The following CTNNA3 variants were observed in gnomAD, a reference collection of about 807,000 sequenced individuals.
The protein encoded by CTNNA3 is catenin alpha 3, also known as catenin alpha-3.
Under a neutral mutation model 95.7 loss-of-function variants are expected in CTNNA3, and 76 were observed. The observed-to-expected ratio is 0.79, with a 90% CI of 0.66 to 0.96. The LOEUF (loss-of-function observed/expected upper bound fraction) is 0.96, where lower values mean the gene tolerates loss of function less well. Among genes scored for constraint, CTNNA3 ranks in the 40% least tolerant of loss-of-function variants. CTNNA3 has a pLI of 0.00. For missense variants in CTNNA3, 1,191 were observed against 1,089.8 expected, an observed-to-expected ratio of 1.09 and a Z score of -1.31; for synonymous variants, 431 against 374.4, an observed-to-expected ratio of 1.15 and a Z score of -1.74.
chr10:67,726,137 A>G (rs1440110880), intron 1 of CTNNA3, among the ~76,000 whole-genome samples: 3 of 112,858 alleles, frequency 2.7e-5, no homozygotes, highest in African/African-American at 1.1e-4. Flanking sequence ...GATAATATAT[A>G]TTATATTATA....
intron 5 of CTNNA3, among the ~76,000 whole-genome samples, chr10:67,462,532 A>C (rs10997650): frequency 6.6e-6 from 1 of 152,332 alleles, no homozygotes; most frequent in East Asian, 1.9e-4. Context: ...GGAAAGAAAG[A>C]AGCAGAAAGT....
At chr10:67,552,516 G>T (rs1174419901) in intron 3 of CTNNA3, among the ~76,000 whole-genome samples, 1 of 151,932 alleles carries the variant, frequency 6.6e-6, no homozygotes, top group South Asian at 2.1e-4. Flanking sequence ...GCCTGCTAGA[G>T]TCTCGGGGGT....
chr10:67,584,306 G>A (rs987527429), intron 3 of CTNNA3, among the ~76,000 whole-genome samples: 3 of 152,196 alleles, frequency 2.0e-5, no homozygotes, highest in Non-Finnish European at 2.9e-5. Context: ...CTCAGGTGCA[G>A]GTCTGTTGGA....
chr10:67,392,175 C>T (rs867992817), intron 5 of CTNNA3, among the ~76,000 whole-genome samples: 1 of 152,156 alleles, frequency 6.6e-6, no homozygotes, highest in Non-Finnish European at 1.5e-5. Context: ...GGGCTAATAT[C>T]CAGAATCTAC....
At chr10:66,966,483 A>AT (rs1029710274) in intron 7 of CTNNA3, among the ~76,000 whole-genome samples, 1 of 76,940 alleles carries the variant, frequency 1.3e-5, no homozygotes, top group Non-Finnish European at 3.7e-5. Context: ...GCTATGTAAT[A>AT]TATTTTTTTT....
At chr10:66,982,730 G>A (rs1307619814) in intron 7 of CTNNA3, among the ~76,000 whole-genome samples, 1 of 152,116 alleles carries the variant, frequency 6.6e-6, no homozygotes, top group African/African-American at 2.4e-5. Flanking sequence ...AGACAAGGAA[G>A]AATAAAAGGT....
At position 66,090,385 on chromosome 10, in the gene CTNNA3, C is replaced by T. The variant is rs569678026; in HGVS notation, c.1977+12772G>A. Among the ~76,000 whole-genome samples, 8 of 151,784 alleles carry T rather than the reference C, an allele frequency of 5.3e-5. No homozygotes were observed. In the East Asian group the frequency reaches 1.2e-3, roughly 22 times the overall value. ...CCACTCAACAAATAATGATGACAAC[C>T]GTGATAGTGGTGGTGGTGGTAATGA... On this transcript the variant is annotated intron_variant, in intron 14 of 17. Transcript: ENST00000433211.
At chr10:67,346,518 G>GT (rs1161083711) in intron 5 of CTNNA3, among the ~76,000 whole-genome samples, 10 of 151,468 alleles carry the variant, frequency 6.6e-5, no homozygotes, top group African/African-American at 9.7e-5. Flanking sequence ...TAGAGTAAAA[G>GT]TTTTTTTTTC....
At chr10:66,084,447 G>C (rs1320351198) in intron 14 of CTNNA3, among the ~76,000 whole-genome samples, 1 of 152,016 alleles carries the variant, frequency 6.6e-6, no homozygotes, top group East Asian at 1.9e-4. Flanking sequence ...GGAACTTCAA[G>C]CAATTTGTAA....
At chr10:67,557,442 C>G (rs1248979736) in intron 3 of CTNNA3, among the ~76,000 whole-genome samples, 1 of 152,144 alleles carries the variant, frequency 6.6e-6, no homozygotes, top group Non-Finnish European at 1.5e-5. Context: ...AAGCAATCTT[C>G]TGATTATTAT....
At chr10:65,943,501 T>TGAC (rs2077461580) in intron 17 of CTNNA3, among the ~76,000 whole-genome samples, 1 of 152,180 alleles carries the variant, frequency 6.6e-6, no homozygotes. Context: ...AAATCCTCAA[T>TGAC]GACATTACAT....
intron 3 of CTNNA3, 66 bp from the exon 4 acceptor site, chr10:67,539,735 A>G: frequency 7.0e-7 from 1 of 1,433,300 alleles, no homozygotes; most frequent in Non-Finnish European, 9.7e-7. Context: ...AGGATTTATC[A>G]GCTAACCTAA....
intron 5 of CTNNA3, among the ~76,000 whole-genome samples, chr10:67,456,581 A>G (rs1022519842): frequency 6.6e-6 from 1 of 152,192 alleles, no homozygotes; most frequent in African/African-American, 2.4e-5. Context: ...AGACAGGGTC[A>G]AAACCACCCT....
intron 7 of CTNNA3, among the ~76,000 whole-genome samples, chr10:66,857,255 G>T (rs1843717868): frequency 6.6e-6 from 1 of 152,018 alleles, no homozygotes; most frequent in Non-Finnish European, 1.5e-5. Context: ...TGTTTCATTA[G>T]TCTATGTGAC....
chr10:66,534,269 C>T (rs1039535071), intron 10 of CTNNA3, among the ~76,000 whole-genome samples: 1 of 151,884 alleles, frequency 6.6e-6, no homozygotes, highest in African/African-American at 2.4e-5. Context: ...GCTGGAAAGG[C>T]CATTTAGAAA....
intron 6 of CTNNA3, among the ~76,000 whole-genome samples, chr10:67,216,518 T>C (rs1864368679): frequency 6.6e-6 from 1 of 152,202 alleles, no homozygotes; most frequent in South Asian, 2.1e-4. Context: ...TGCCGTATTA[T>C]TGCATTCATT....
intron 7 of CTNNA3, among the ~76,000 whole-genome samples, chr10:67,096,630 G>A (rs540535552): frequency 6.6e-6 from 1 of 151,960 alleles, no homozygotes; most frequent in African/African-American, 2.4e-5. Flanking sequence ...TATTGAAAAA[G>A]AAATGGGAAC....
chr10:67,166,762 T>A (rs1215813308), intron 7 of CTNNA3, among the ~76,000 whole-genome samples: 1 of 152,216 alleles, frequency 6.6e-6, no homozygotes, highest in Non-Finnish European at 1.5e-5. Flanking sequence ...TATAGTATTA[T>A]GATTATCTAT....
chr10:65,992,360 T>C (rs1666831295), intron 15 of CTNNA3, among the ~76,000 whole-genome samples: 1 of 152,120 alleles, frequency 6.6e-6, no homozygotes, highest in African/African-American at 2.4e-5. Flanking sequence ...AATTCAGCAA[T>C]AAAGGAACCA....
Sources: allele counts gnomAD v4.1 joint callset (sites outside exome capture counted in the v4.1 genomes callset), GRCh38; gene constraint gnomAD v4.1.1; transcripts MANE v1.5; gene names NCBI Gene and HGNC (gene_info 2026-07-23, HGNC 2026-07-21).